Variants in KAZN observed in about 807,000 individuals in gnomAD.
The protein encoded by KAZN is kazrin, periplakin interacting protein.
Under a neutral mutation model 87.4 loss-of-function variants are expected in KAZN, and 40 were observed. That is an observed-to-expected ratio of 0.46 (90% CI 0.36 to 0.60). The LOEUF is 0.60. Among genes scored for constraint, KAZN ranks in the 20% least tolerant of loss-of-function variants. KAZN has a pLI of 0.00. For synonymous variants in KAZN, 466 were observed against 458.3 expected, an observed-to-expected ratio of 1.02 and a Z score of -0.22; for missense variants, 898 against 1,073.9, an observed-to-expected ratio of 0.84 and a Z score of 2.29.
intron 2 of KAZN, among the ~76,000 whole-genome samples, chr1:14,249,353 G>A (rs1212555157): frequency 1.3e-5 from 2 of 152,192 alleles, no homozygotes; most frequent in Non-Finnish European, 2.9e-5. Context: ...AAGAAAAACA[G>A]TTGCAGAAGG....
At chr1:14,783,231 G>C (rs1645409966) in intron 1 of KAZN, among the ~76,000 whole-genome samples, 1 of 152,054 alleles carries the variant, frequency 6.6e-6, no homozygotes, top group African/African-American at 2.4e-5. Flanking sequence ...TGTCTGGGGA[G>C]AGATCAGAAC....
At chr1:14,477,511 A>T (rs1161375173) in intron 2 of KAZN, among the ~76,000 whole-genome samples, 1 of 150,648 alleles carries the variant, frequency 6.6e-6, no homozygotes, top group African/African-American at 2.5e-5. Context: ...TCATCAGGGC[A>T]AATTATTTGT....
chr1:14,675,812 A>G (rs1332691852), intron 1 of KAZN, among the ~76,000 whole-genome samples: 1 of 152,202 alleles, frequency 6.6e-6, no homozygotes, highest in Non-Finnish European at 1.5e-5. Flanking sequence ...GGGAATAGCC[A>G]AGGTTGTTCT....
intron 1 of KAZN, among the ~76,000 whole-genome samples, chr1:14,764,282 T>C (rs1447349644): frequency 5.3e-5 from 8 of 151,994 alleles, no homozygotes; most frequent in African/African-American, 1.7e-4. Context: ...GCTGAATCCT[T>C]ACTTCTTCAG....
At chr1:14,400,555 T>C (rs931058762) in intron 2 of KAZN, among the ~76,000 whole-genome samples, 2 of 152,192 alleles carry the variant, frequency 1.3e-5, no homozygotes, top group African/African-American at 4.8e-5. Context: ...CACACTGAGC[T>C]GATATGGCAA....
rs1296464826 is a variant in KAZN at position 14,221,908 on chromosome 1, C to T, written c.249+41316C>T. The T allele has an allele frequency of 3.9e-5, 6 of 152,074 alleles. 1 individual carries two copies. Among genetic ancestry groups the T allele is most frequent in the Admixed American group, 3.9e-4 (6 of 15,264 alleles). 9.4% of individuals were successfully genotyped at this position (152,074 alleles called of 1,614,324 possible). On this transcript the variant is annotated intron_variant, in intron 2 of 16. Transcript: ENST00000636203. ...ACCGTTAATCAGAATGACACATTTC[C>T]ATTTACTTGATGAAAGGGAAGGTAG... is the stretch of plus-strand genomic sequence containing the variant.
intron 1 of KAZN, among the ~76,000 whole-genome samples, chr1:14,910,636 T>C (rs1657148839): frequency 6.6e-6 from 1 of 152,170 alleles, no homozygotes; most frequent in Non-Finnish European, 1.5e-5. Flanking sequence ...AGGGAGGAAC[T>C]ATGGCTCCAG....
intron 2 of KAZN, among the ~76,000 whole-genome samples, chr1:14,321,111 G>C (rs540197816): frequency 6.6e-6 from 1 of 152,180 alleles, no homozygotes; most frequent in Non-Finnish European, 1.5e-5. Flanking sequence ...TGCAAAAAAT[G>C]TACCATGAAG....
chr1:13,955,017 G>T (rs1641491531), intron 1 of KAZN, among the ~76,000 whole-genome samples: 1 of 152,124 alleles, frequency 6.6e-6, no homozygotes, highest in African/African-American at 2.4e-5. Context: ...TTTTCACTTT[G>T]ACTGTGTATA....
At chr1:14,912,580 C>T (rs1054010312) in intron 1 of KAZN, among the ~76,000 whole-genome samples, 2 of 152,094 alleles carry the variant, frequency 1.3e-5, no homozygotes, top group African/African-American at 4.8e-5. Flanking sequence ...AGGGTTTCAC[C>T]ATGTTGCCCA....
intron 1 of KAZN, among the ~76,000 whole-genome samples, chr1:14,036,149 T>C (rs965775529): frequency 6.6e-6 from 1 of 152,146 alleles, no homozygotes; most frequent in African/African-American, 2.4e-5. Flanking sequence ...AAGTGCACCT[T>C]TTGAACAGGC....
chr1:14,877,493 A>G (rs1448825624), intron 1 of KAZN, among the ~76,000 whole-genome samples: 3 of 152,134 alleles, frequency 2.0e-5, no homozygotes, highest in Non-Finnish European at 4.4e-5. Context: ...AACCCAACCC[A>G]GGAGTTGGGG....
At chr1:14,853,690 A>G (rs1572652538) in intron 1 of KAZN, among the ~76,000 whole-genome samples, 1 of 152,192 alleles carries the variant, frequency 6.6e-6, no homozygotes, top group Non-Finnish European at 1.5e-5. Flanking sequence ...CCCAGGCTCC[A>G]GCTGTGTCTC....
At position 14,920,221 on chromosome 1, in the gene KAZN, C is replaced by T. The variant is rs915306631; in HGVS notation, c.227-40463C>T. ...GATCTAAAGGATGTTCCTCTGGGAA[C>T]GAGGGGATGCTCTGGATGGGACCTG... On this transcript the variant is annotated intron_variant, in intron 1 of 14. Coordinates refer to ENST00000376030, the MANE Select transcript of KAZN (RefSeq NM_201628.3). Among the ~76,000 whole-genome samples, 3 of 148,794 alleles carry T rather than the reference C, an allele frequency of 2.0e-5. No individual in the cohort carries two copies. The East Asian group carries it at 5.9e-4, about 29-fold the overall frequency.
chr1:14,474,092 CTTG>C (rs1374642613), intron 2 of KAZN, among the ~76,000 whole-genome samples: 1 of 152,184 alleles, frequency 6.6e-6, no homozygotes, highest in Non-Finnish European at 1.5e-5. Context: ...CTATGTCTGT[CTTG>C]TTCTTTGCCA....
At chr1:14,017,019 G>C (rs962293900) in intron 1 of KAZN, among the ~76,000 whole-genome samples, 3 of 152,318 alleles carry the variant, frequency 2.0e-5, no homozygotes, top group African/African-American at 7.2e-5. Flanking sequence ...TCTTCGAGAA[G>C]TGCCTCTCTG....
At chr1:14,933,285 G>A (rs1035545570) in intron 1 of KAZN, among the ~76,000 whole-genome samples, 2 of 152,082 alleles carry the variant, frequency 1.3e-5, no homozygotes, top group Non-Finnish European at 2.9e-5. Context: ...TAGAGACAGG[G>A]TTTCACCATG....
At chr1:14,859,066 G>T (rs1450478826) in intron 1 of KAZN, among the ~76,000 whole-genome samples, 1 of 152,056 alleles carries the variant, frequency 6.6e-6, no homozygotes, top group African/African-American at 2.4e-5. Context: ...AATTAGCCGG[G>T]CGTGGTGGCG....
At chr1:15,069,583 C>T (rs1417541251) in intron 8 of KAZN, among the ~76,000 whole-genome samples, 16 of 152,164 alleles carry the variant, frequency 1.1e-4, no homozygotes, top group African/African-American at 3.9e-4. Flanking sequence ...GCCGAGATCG[C>T]GCCACTGCGC....
Sources: gnomAD v4.1 joint callset for allele counts (sites outside exome capture counted in the v4.1 genomes callset) on GRCh38, gnomAD v4.1.1 for gene constraint, MANE v1.5 for transcripts, NCBI Gene and HGNC (gene_info 2026-07-23, HGNC 2026-07-21) for gene names.